SAMD5: variants seen among roughly 807,000 people sequenced by gnomAD.
The protein encoded by SAMD5 is sterile alpha motif domain-containing protein 5.
A neutral mutation model predicts 11.3 loss-of-function variants in SAMD5; 13 were observed. The observed-to-expected ratio is 1.15, with a 90% CI of 0.75 to 1.83. The LOEUF is 1.83. Ranked by LOEUF, SAMD5 falls within the 40% of genes most tolerant of loss-of-function variation. The pLI, the probability that SAMD5 is intolerant of heterozygous loss-of-function variation, is 0.00. For synonymous variants in SAMD5, 129 were observed against 111.3 expected, an observed-to-expected ratio of 1.16 and a Z score of -1.00; for missense variants, 255 against 239.1, an observed-to-expected ratio of 1.07 and a Z score of -0.44.
chr6:147,538,100 A>C (rs1349741099), intron 1 of SAMD5, among the ~76,000 whole-genome samples: 1 of 152,170 alleles, frequency 6.6e-6, no homozygotes, highest in Admixed American at 6.5e-5. Context: ...TTTTCCATCA[A>C]ATAGTAGATT....
chr6:147,793,371 T>C, the SAMD5 span, among the ~76,000 whole-genome samples: 19 of 152,118 alleles, frequency 1.2e-4, no homozygotes, highest in Non-Finnish European at 2.1e-4. Flanking sequence ...TAAGAAACTG[T>C]CCCAGCCAAG....
chr6:147,653,563 G>T (rs1354069141), intron 1 of SAMD5, among the ~76,000 whole-genome samples: 1 of 152,128 alleles, frequency 6.6e-6, no homozygotes, highest in African/African-American at 2.4e-5. Context: ...TTGTAATTAG[G>T]CAGAAAGATC....
At chr6:147,886,585 C>A in the SAMD5 span, among the ~76,000 whole-genome samples, 2 of 151,978 alleles carry the variant, frequency 1.3e-5, no homozygotes, top group Non-Finnish European at 2.9e-5. Flanking sequence ...GGAGGTGACT[C>A]CTGGATTACT....
chr6:147,743,130 A>G, the SAMD5 span: 1 of 152,200 alleles, frequency 6.6e-6, no homozygotes, highest in Non-Finnish European at 1.5e-5. Context: ...TGTTCTGGGA[A>G]TGCTAACACC....
At chr6:147,533,315 G>T (rs1420219150) in intron 1 of SAMD5, among the ~76,000 whole-genome samples, 1 of 151,796 alleles carries the variant, frequency 6.6e-6, no homozygotes, top group Non-Finnish European at 1.5e-5. Context: ...AAGAAACCAA[G>T]GCCGGGCGCA....
the SAMD5 span, among the ~76,000 whole-genome samples, chr6:147,747,409 A>G: frequency 6.6e-6 from 1 of 152,150 alleles, no homozygotes; most frequent in African/African-American, 2.4e-5. Context: ...GATGGTGAAG[A>G]TGGGGGCAAA....
At chr6:147,525,854 A>G (rs1376751423) in intron 1 of SAMD5, among the ~76,000 whole-genome samples, 1 of 152,156 alleles carries the variant, frequency 6.6e-6, no homozygotes, top group African/African-American at 2.4e-5. Context: ...GAAGAAAAGC[A>G]CAACCAAGAA....
At chr6:147,704,840 T>G (rs1404005626) in intron 1 of SAMD5, among the ~76,000 whole-genome samples, 1 of 152,206 alleles carries the variant, frequency 6.6e-6, no homozygotes, top group African/African-American at 2.4e-5. Flanking sequence ...GGGGATTAGC[T>G]GAGTGAGCTC....
downstream of SAMD5, among the ~76,000 whole-genome samples, chr6:147,740,980 T>A (rs1018436074): frequency 1.3e-5 from 2 of 152,184 alleles, no homozygotes; most frequent in African/African-American, 2.4e-5. Flanking sequence ...CAAAATTGAC[T>A]GTGTTAAGTG....
chr6:147,944,963 C>T, the SAMD5 span, among the ~76,000 whole-genome samples: 1 of 152,322 alleles, frequency 6.6e-6, no homozygotes, highest in South Asian at 2.1e-4. Flanking sequence ...GTGTCTTATA[C>T]ATCCTAAGAC....
intron 1 of SAMD5, among the ~76,000 whole-genome samples, chr6:147,529,311 C>T (rs552168737): frequency 6.6e-6 from 1 of 152,190 alleles, no homozygotes; most frequent in South Asian, 2.1e-4. Flanking sequence ...GTTCTTCTAA[C>T]CTTATCAATT....
At chr6:147,920,031 A>G in the SAMD5 span, among the ~76,000 whole-genome samples, 1 of 152,226 alleles carries the variant, frequency 6.6e-6, no homozygotes, top group African/African-American at 2.4e-5. Flanking sequence ...TGACCTTAAA[A>G]ATCATTTTAG....
At chr6:147,706,845 T>C (rs1335549250) in intron 1 of SAMD5, among the ~76,000 whole-genome samples, 4 of 152,236 alleles carry the variant, frequency 2.6e-5, no homozygotes, top group African/African-American at 7.2e-5. Context: ...ATTGGGACAA[T>C]GCTGAAAAAT....
chr6:147,536,721 A>C (rs1788514906), intron 1 of SAMD5, among the ~76,000 whole-genome samples: 1 of 152,134 alleles, frequency 6.6e-6, no homozygotes. Context: ...GGCATGCAAC[A>C]ATTTTACATA....
chr6:147,858,912 T>C, the SAMD5 span, among the ~76,000 whole-genome samples: 14 of 152,188 alleles, frequency 9.2e-5, no homozygotes, highest in Non-Finnish European at 1.6e-4. Context: ...AAGTCCCTCT[T>C]GGGATTTGCA....
chr6:147,746,433 C>T, the SAMD5 span, among the ~76,000 whole-genome samples: 6 of 152,164 alleles, frequency 3.9e-5, no homozygotes, highest in Admixed American at 3.3e-4. Context: ...TAGATTATTT[C>T]TAAGGCCTTA....
In SAMD5 at chr6:147,632,456, G is replaced by A. The variant is rs140454579; in HGVS notation, c.163-104861G>A. Among the ~76,000 whole-genome samples the A allele has an allele frequency of 8.3e-3, 1,267 of 152,298 alleles. 14 individuals carry two copies. The highest frequency in any genetic ancestry group is 0.029 in the African/African-American group (1,208 of 41,566). On this transcript the variant is annotated intron_variant, in intron 1 of 1. Coordinates refer to the SAMD5 transcript ENST00000566741. ...GAGAGGTAGTGGAGAGGGGCAGAAAGTATATGAGTCAGGTGTGAGGAAGAA... is the reference window on the plus strand; with the variant it reads ...GAGAGGTAGTGGAGAGGGGCAGAAAATATATGAGTCAGGTGTGAGGAAGAA...
Position 147,569,525 on chromosome 6 carries a change from C to T in SAMD5, c.*5069C>T. 1 of 859,958 alleles carries T rather than the reference C, an allele frequency of 1.2e-6. No individual in the cohort carries two copies. Among genetic ancestry groups the T allele is most frequent in the Non-Finnish European group, 1.4e-6 (1 of 715,680 alleles). The allele number at this position is 859,958 out of a possible 1,614,324, so 53.3% of individuals were successfully genotyped here. A position where few individuals can be genotyped will look rare whatever the true frequency, so the allele number is the denominator to read the frequency against. ...GGGAAATGTCTTTTATAGGTATATT[C>T]TGTATAATACCCTTAATTAGATGAA... On this transcript the variant is annotated 3_prime_UTR_variant, in exon 2 of 2. Transcript: ENST00000367474.
At chr6:147,751,579 G>A in the SAMD5 span, among the ~76,000 whole-genome samples, 1 of 152,146 alleles carries the variant, frequency 6.6e-6, no homozygotes, top group Non-Finnish European at 1.5e-5. Context: ...AATGCATGCC[G>A]AAGGCTCGTA....
Sources: gnomAD v4.1 joint callset for allele counts (sites outside exome capture counted in the v4.1 genomes callset) on GRCh38, gnomAD v4.1.1 for gene constraint, MANE v1.5 for transcripts, NCBI Gene and HGNC (gene_info 2026-07-23, HGNC 2026-07-21) for gene names.